Variants in RIN3 observed in about 807,000 individuals in gnomAD.
RIN3 encodes RAB5 interacting protein 3.
RIN3 carries 54 observed loss-of-function variants against 76.3 expected under a neutral mutation model. The observed-to-expected ratio is 0.71, with a 90% confidence interval of 0.57 to 0.89. RIN3 has a LOEUF of 0.89. Among genes scored for constraint, RIN3 ranks in the 40% least tolerant of loss-of-function variants. The pLI is 0.00. For synonymous variants in RIN3, 576 were observed against 564.0 expected (o/e 1.02, Z -0.30); for missense variants, 1,256 against 1,322.1 (o/e 0.95, Z 0.78).
At chr14:92,633,088 A>T (rs2140122099) in intron 4 of RIN3, among the ~76,000 whole-genome samples, 1 of 152,266 alleles carries the variant, frequency 6.6e-6, no homozygotes, top group African/African-American at 2.4e-5. Flanking sequence ...CCCTATGCGG[A>T]GGTGACTGCC....
intron 6 of RIN3, among the ~76,000 whole-genome samples, chr14:92,658,567 T>A (rs1887756521): frequency 6.6e-6 from 1 of 152,162 alleles, no homozygotes; most frequent in African/African-American, 2.4e-5. Flanking sequence ...CCAGCTGCTG[T>A]GTTGACAAGA....
intron 5 of RIN3, among the ~76,000 whole-genome samples, chr14:92,645,938 C>T (rs1188662172): frequency 3.0e-5 from 4 of 135,258 alleles, no homozygotes; most frequent in East Asian, 4.2e-4. Context: ...GGTGACAGAA[C>T]GAGACTCTCT....
At chr14:92,661,723 TCACACA>T (rs778646491) in intron 7 of RIN3, among the ~76,000 whole-genome samples, 2 of 134,878 alleles carry the variant, frequency 1.5e-5, no homozygotes, top group African/African-American at 5.7e-5. Flanking sequence ...TGAGACTCTG[TCACACA>T]CACACACACA....
In RIN3 at chr14:92,552,545, T is replaced by A. The variant is rs566412808; in HGVS notation, c.45-3206T>A. Among the ~76,000 whole-genome samples, 6 of 152,176 alleles carry A rather than the reference T, an allele frequency of 3.9e-5. No homozygotes were observed. In the East Asian group the frequency reaches 1.2e-3, roughly 30 times the overall value. ...CATGGGGCCCTCCCCCTACCCCCTCTGCTCTCACCTCCTGCCACTCTCACC... is the reference window on the plus strand; with the variant it reads ...CATGGGGCCCTCCCCCTACCCCCTCAGCTCTCACCTCCTGCCACTCTCACC... On this transcript the variant is annotated intron_variant, in intron 1 of 9. Coordinates refer to ENST00000216487, the MANE Select transcript of RIN3 (RefSeq NM_024832.5).
intron 4 of RIN3, among the ~76,000 whole-genome samples, chr14:92,624,987 G>A (rs568844851): frequency 4.6e-5 from 7 of 152,292 alleles, no homozygotes; most frequent in African/African-American, 9.6e-5. Context: ...TATTGAGGCC[G>A]TAGTCTCCGG....
rs778646491 is a variant in RIN3, at chr14:92,661,723, T to TCACACACACACA, written c.2335+2279_2335+2290dup. Among the ~76,000 whole-genome samples the TCACACACACACA allele has an allele frequency of 1.5e-3, 201 of 134,956 alleles. 2 individuals carry two copies. Among genetic ancestry groups the TCACACACACACA allele is most frequent in the African/African-American group, 5.0e-3 (175 of 34,930 alleles). The allele number at this position is 134,956 out of a possible 152,430, so 88.5% of individuals were successfully genotyped here. A position where few individuals can be genotyped will look rare whatever the true frequency, so the allele number is the denominator to read the frequency against. The stretch of plus-strand genomic sequence containing the variant: ...TGGGTGGTGACAGAGTGAGACTCTG[T>TCACACACACACA]CACACACACACACACACACACACAC... On this transcript the variant is annotated intron_variant, in intron 7 of 9. Coordinates refer to ENST00000216487, the MANE Select transcript of RIN3 (RefSeq NM_024832.5).
chr14:92,536,317 G>A (rs1488505498), intron 1 of RIN3, among the ~76,000 whole-genome samples: 2 of 152,100 alleles, frequency 1.3e-5, no homozygotes, highest in East Asian at 1.9e-4. Context: ...TGTCTTCCAC[G>A]CCATGGACAA....
chr14:92,518,116 A>G (rs756785234), intron 1 of RIN3, among the ~76,000 whole-genome samples: 3 of 152,184 alleles, frequency 2.0e-5, no homozygotes, highest in Admixed American at 6.5e-5. Context: ...CCTTCTATCC[A>G]TGCCAGCTCA....
chr14:92,577,680 T>C (rs1898295067), intron 3 of RIN3, among the ~76,000 whole-genome samples: 1 of 152,216 alleles, frequency 6.6e-6, no homozygotes, highest in South Asian at 2.1e-4. Flanking sequence ...GAATTTCCAC[T>C]CACCCTCGTC....
intron 4 of RIN3, among the ~76,000 whole-genome samples, chr14:92,632,672 G>C (rs1340463362): frequency 6.6e-6 from 1 of 152,188 alleles, no homozygotes; most frequent in Non-Finnish European, 1.5e-5. Context: ...TACCAGGCCC[G>C]TGGCTGGGAG....
chr14:92,638,694 AG>A (rs1314254530), intron 4 of RIN3, among the ~76,000 whole-genome samples: 1 of 152,190 alleles, frequency 6.6e-6, no homozygotes, highest in African/African-American at 2.4e-5. Flanking sequence ...GTGGTGGGGC[AG>A]GGCCTGAGAT....
At position 92,611,739 on chromosome 14, in the gene RIN3, A is replaced by G. The variant is rs531060897; in HGVS notation, c.368-3668A>G. On this transcript the variant is annotated intron_variant, in intron 3 of 9. Transcript: ENST00000216487. Reference sequence around the variant, plus strand: ...ATATCTTTTGCAGGAACACAAGTCAATCCTCAACAGGTGGGTACTTTACTA... The same window carrying G: ...ATATCTTTTGCAGGAACACAAGTCAGTCCTCAACAGGTGGGTACTTTACTA... 7.2e-5 allele frequency among the ~76,000 whole-genome samples: 11 copies of G among 152,320 alleles called. No individual in the cohort carries two copies. The East Asian group carries it at 1.5e-3, about 21-fold the overall frequency.
chr14:92,557,598 C>A (rs1897630937), intron 2 of RIN3, among the ~76,000 whole-genome samples: 1 of 152,212 alleles, frequency 6.6e-6, no homozygotes, highest in Admixed American at 6.5e-5. Context: ...ACTTATGGGG[C>A]CTTCTGCAAA....
intron 4 of RIN3, among the ~76,000 whole-genome samples, chr14:92,622,462 G>T (rs532416764): frequency 1.3e-5 from 2 of 152,194 alleles, no homozygotes; most frequent in Non-Finnish European, 2.9e-5. Context: ...AATTTTCAGT[G>T]CCACAAAGTG....
chr14:92,649,627 A>G (rs963617349), intron 5 of RIN3, among the ~76,000 whole-genome samples: 5 of 152,222 alleles, frequency 3.3e-5, no homozygotes, highest in Non-Finnish European at 7.3e-5. Context: ...TGAGGCATAC[A>G]TGGAGGAGCC....
chr14:92,632,857 G>A (rs1033957789), intron 4 of RIN3, among the ~76,000 whole-genome samples: 8 of 152,248 alleles, frequency 5.3e-5, no homozygotes, highest in African/African-American at 9.6e-5. Flanking sequence ...GCAGCCTCAG[G>A]AGTGGCTTCA....
At chr14:92,674,734 C>G (rs1195786748) in intron 7 of RIN3, among the ~76,000 whole-genome samples, 3 of 151,966 alleles carry the variant, frequency 2.0e-5, no homozygotes, top group African/African-American at 7.3e-5. Flanking sequence ...ACTAAAAATA[C>G]AAAAATCAGC....
chr14:92,687,845 C>T (rs1888922443), intron 9 of RIN3, 81 bp from the exon 10 acceptor site: 2 of 1,296,606 alleles, frequency 1.5e-6, no homozygotes, highest in African/African-American at 1.6e-5. Context: ...CGCTATCCAT[C>T]CAGGGAGGGG....
chr14:92,595,773 A>G (rs937039173), intron 3 of RIN3, among the ~76,000 whole-genome samples: 1 of 152,204 alleles, frequency 6.6e-6, no homozygotes, highest in Admixed American at 6.5e-5. Flanking sequence ...ACACAGACAG[A>G]AGGCGCCGTT....
Sources: allele counts gnomAD v4.1 joint callset (sites outside exome capture counted in the v4.1 genomes callset), GRCh38; gene constraint gnomAD v4.1.1; transcripts MANE v1.5; gene names NCBI Gene and HGNC (gene_info 2026-07-23, HGNC 2026-07-21).